The following PCDH15 variants were observed in gnomAD, a reference collection of about 807,000 sequenced individuals.
The protein encoded by PCDH15 is protocadherin related 15.
PCDH15 carries 129 observed loss-of-function variants against 178.5 expected under a neutral mutation model. The ratio of observed to expected loss-of-function variants is 0.72; its 90% CI spans 0.63 to 0.84. The LOEUF (loss-of-function observed/expected upper bound fraction) is 0.84, where lower values mean the gene tolerates loss of function less well. Among genes scored for constraint, PCDH15 ranks in the 40% least tolerant of loss-of-function variants. The probability of loss-of-function intolerance (pLI) is 0.00; values close to 1 mark genes in which losing one functional copy is unlikely to be tolerated. For synonymous variants in PCDH15, 800 were observed against 732.0 expected, an observed-to-expected ratio of 1.09 and a Z score of -1.50; for missense variants, 2,230 against 2,099.9, an observed-to-expected ratio of 1.06 and a Z score of -1.21.
Position 54,456,234 on chromosome 10 carries a change from C to A in PCDH15, c.157+71578G>T, listed in dbSNP as rs370208643. Reference sequence around the variant, plus strand: ...AAAGGCCACAGACACTGAATGTCAGCCTGTGAAAGCAGCTGAAGGGGGGGC... The same window carrying A: ...AAAGGCCACAGACACTGAATGTCAGACTGTGAAAGCAGCTGAAGGGGGGGC... On this transcript the variant is annotated intron_variant, in intron 3 of 37. Transcript: ENST00000644397. Among the ~76,000 whole-genome samples, 17 of 152,254 alleles carry A rather than the reference C, an allele frequency of 1.1e-4. No individual in the cohort carries two copies. In the East Asian group the frequency reaches 1.9e-3, roughly 17 times the overall value.
intron 3 of PCDH15, among the ~76,000 whole-genome samples, chr10:54,417,931 C>G (rs1160142258): frequency 6.6e-6 from 1 of 152,066 alleles, no homozygotes; most frequent in African/African-American, 2.4e-5. Flanking sequence ...TAGAGAGGGT[C>G]TTATTATTTT....
intron 2 of PCDH15, among the ~76,000 whole-genome samples, chr10:55,035,065 T>C (rs1476637554): frequency 1.3e-5 from 2 of 152,136 alleles, no homozygotes; most frequent in Admixed American, 6.5e-5. Context: ...TATCTTTACA[T>C]GAAATAGATA....
intron 1 of PCDH15, among the ~76,000 whole-genome samples, chr10:55,184,870 A>T (rs986682378): frequency 6.6e-6 from 1 of 151,938 alleles, no homozygotes; most frequent in Admixed American, 6.6e-5. Context: ...ATATTGCCAC[A>T]TTTATCAAAT....
At chr10:55,293,108 C>A (rs895739758) in intron 1 of PCDH15, among the ~76,000 whole-genome samples, 1 of 152,158 alleles carries the variant, frequency 6.6e-6, no homozygotes, top group African/African-American at 2.4e-5. Flanking sequence ...GGGTCCCAAA[C>A]CCCAATTCTT....
At chr10:54,584,383 C>T (rs1223888634) in intron 2 of PCDH15, among the ~76,000 whole-genome samples, 2 of 152,004 alleles carry the variant, frequency 1.3e-5, no homozygotes, top group African/African-American at 4.8e-5. Context: ...GCCTAGGTGA[C>T]AGAGCAAGAC....
chr10:55,105,249 T>C (rs537940719), intron 2 of PCDH15, among the ~76,000 whole-genome samples: 15 of 152,288 alleles, frequency 9.8e-5, no homozygotes, highest in African/African-American at 3.6e-4. Context: ...CCAATTTTTT[T>C]CTTATTTTTT....
intron 3 of PCDH15, among the ~76,000 whole-genome samples, chr10:54,878,090 G>A (rs1029892880): frequency 4.6e-5 from 7 of 151,356 alleles, no homozygotes; most frequent in Admixed American, 4.0e-4. Context: ...AGTCCCCCTC[G>A]TAGCTGGGAT....
At chr10:54,527,050 A>G (rs1442921021) in intron 3 of PCDH15, among the ~76,000 whole-genome samples, 1 of 152,166 alleles carries the variant, frequency 6.6e-6, no homozygotes, top group Non-Finnish European at 1.5e-5. Context: ...TAATTAGCAG[A>G]CAAAATGAGC....
chr10:54,737,166 GA>G (rs1205104988), intron 1 of PCDH15, among the ~76,000 whole-genome samples: 1 of 152,044 alleles, frequency 6.6e-6, no homozygotes, highest in Non-Finnish European at 1.5e-5. Flanking sequence ...CTTCTTATGC[GA>G]AACTGGCCAG....
chr10:54,927,588 T>C (rs1429630814), intron 2 of PCDH15, among the ~76,000 whole-genome samples: 1 of 152,160 alleles, frequency 6.6e-6, no homozygotes, highest in Non-Finnish European at 1.5e-5. Context: ...TGAAGTTCTC[T>C]AAGAACATGC....
intron 2 of PCDH15, among the ~76,000 whole-genome samples, chr10:55,570,506 AC>A (rs1049758793): frequency 6.6e-6 from 1 of 151,966 alleles, no homozygotes; most frequent in African/African-American, 2.4e-5. Flanking sequence ...AAGCTCAGGA[AC>A]CAATTTTTTT....
chr10:55,297,338 A>G (rs897224658), intron 1 of PCDH15, among the ~76,000 whole-genome samples: 1 of 152,174 alleles, frequency 6.6e-6, no homozygotes, highest in African/African-American at 2.4e-5. Flanking sequence ...TCTGGATTTC[A>G]TAAAATCTAT....
At position 55,300,116 on chromosome 10, in the gene PCDH15, G is replaced by A. The variant is rs140607547; in HGVS notation, c.-156+19483C>T. On this transcript the variant is annotated intron_variant, in intron 1 of 5. Transcript: ENST00000458638. ...CAGTCTGTATTGTATGGTGACCTGA[G>A]ACTACATTTTACCACTTCCACTTGT... Among the ~76,000 whole-genome samples the A allele has an allele frequency of 5.7e-3, 872 of 152,182 alleles. 26 individuals are homozygous for A. The highest frequency in any genetic ancestry group is 0.053 in the Admixed American group (810 of 15,276).
chr10:55,336,526 A>T (rs955874989), intron 2 of PCDH15, among the ~76,000 whole-genome samples: 2 of 152,122 alleles, frequency 1.3e-5, no homozygotes, highest in Non-Finnish European at 2.9e-5. Context: ...ACAAATAAAA[A>T]TAATTATCTG....
At chr10:53,882,147 C>G (rs1900428) in intron 26 of PCDH15, among the ~76,000 whole-genome samples, 11 of 18,908 alleles carry the variant, frequency 5.8e-4, no homozygotes, top group East Asian at 0.01. Flanking sequence ...TGAGTGTTGG[C>G]AGAGAAGCTG....
At chr10:54,162,152 A>C (rs941037839) in intron 13 of PCDH15, among the ~76,000 whole-genome samples, 8 of 152,142 alleles carry the variant, frequency 5.3e-5, no homozygotes, top group Middle Eastern at 3.4e-3. Context: ...CTACTTGTTC[A>C]TGTATTGTTT....
chr10:54,613,842 T>C (rs1937408), intron 2 of PCDH15, among the ~76,000 whole-genome samples: 144,700 of 151,784 alleles, frequency 0.95, 69,051 homozygotes, highest in Non-Finnish European at 0.98. Flanking sequence ...GAGAAAACAA[T>C]AATCCAAATT....
chr10:54,523,630 A>T (rs536736978), intron 3 of PCDH15, among the ~76,000 whole-genome samples: 4 of 152,254 alleles, frequency 2.6e-5, no homozygotes, highest in African/African-American at 9.6e-5. Flanking sequence ...TGTTTTGAAA[A>T]CTGCTGTAGG....
intron 2 of PCDH15, among the ~76,000 whole-genome samples, chr10:54,596,283 G>C (rs2092234590): frequency 6.6e-6 from 1 of 152,138 alleles, no homozygotes; most frequent in Admixed American, 6.5e-5. Flanking sequence ...AATCCTACAA[G>C]TCAGAAGAGA....
Sources: allele counts gnomAD v4.1 joint callset (sites outside exome capture counted in the v4.1 genomes callset), GRCh38; gene constraint gnomAD v4.1.1; transcripts MANE v1.5; gene names NCBI Gene and HGNC (gene_info 2026-07-23, HGNC 2026-07-21).